The following MECOM variants were observed in gnomAD, a reference collection of about 807,000 sequenced individuals.
MECOM encodes MDS1 and EVI1 complex locus, also known as histone-lysine N-methyltransferase MECOM.
In MECOM, 13 loss-of-function variants were observed where a neutral mutation model predicts 116.3. The ratio of observed to expected loss-of-function variants is 0.11; its 90% CI spans 0.07 to 0.18. MECOM has a LOEUF of 0.18. Ranked by LOEUF, MECOM falls within the 10% of genes least tolerant of loss-of-function variation. The pLI is 1.00. For missense variants in MECOM, 1,299 were observed against 1,509.0 expected (o/e 0.86, Z 2.31); for synonymous variants, 528 against 535.2 (o/e 0.99, Z 0.19).
chr3:169,416,799 G>A (rs1337296974), intron 1 of MECOM, among the ~76,000 whole-genome samples: 12 of 151,776 alleles, frequency 7.9e-5, no homozygotes, highest in Admixed American at 2.0e-4. Flanking sequence ...CAGAAATAAC[G>A]CCGCATATCT....
At chr3:169,567,253 C>T (rs183526504) in intron 1 of MECOM, among the ~76,000 whole-genome samples, 9 of 152,328 alleles carry the variant, frequency 5.9e-5, no homozygotes, top group Non-Finnish European at 1.2e-4. Context: ...TAGAAACATA[C>T]CTTAGGATAA....
chr3:169,125,300 C>T (rs979455690), intron 5 of MECOM, among the ~76,000 whole-genome samples: 7 of 152,060 alleles, frequency 4.6e-5, no homozygotes, highest in Non-Finnish European at 1.0e-4. Flanking sequence ...TGAAATGAGT[C>T]AGGGACATCC....
chr3:169,580,861 C>T (rs1324977705), intron 1 of MECOM, among the ~76,000 whole-genome samples: 1 of 152,094 alleles, frequency 6.6e-6, no homozygotes, highest in African/African-American at 2.4e-5. Flanking sequence ...TGCAAAATGT[C>T]GTATTGACAA....
At chr3:169,453,387 C>A (rs1745930647) in intron 1 of MECOM, among the ~76,000 whole-genome samples, 2 of 152,162 alleles carry the variant, frequency 1.3e-5, no homozygotes, top group Admixed American at 1.3e-4. Flanking sequence ...TGGAGAAGAG[C>A]CCCAGAGGGG....
chr3:169,113,842 T>C (rs1472017430), intron 8 of MECOM, among the ~76,000 whole-genome samples: 1 of 151,126 alleles, frequency 6.6e-6, no homozygotes, highest in African/African-American at 2.4e-5. Context: ...CATTTTATGC[T>C]TTTTTTTTAA....
intron 1 of MECOM, among the ~76,000 whole-genome samples, chr3:169,494,355 G>A (rs759193822): frequency 3.9e-5 from 6 of 152,040 alleles, no homozygotes; most frequent in Admixed American, 6.6e-5. Flanking sequence ...TCCCAAGGGC[G>A]TAAGGCAGCC....
rs146619027 is a variant in MECOM, at chr3:169,104,762, T to C, written c.2605-2536A>G. Among the ~76,000 whole-genome samples the C allele has an allele frequency of 1.6e-4, 24 of 152,272 alleles. No homozygotes were observed. In the East Asian group the frequency reaches 4.1e-3, roughly 26 times the overall value. ...ATAAACCACAAGTCCTTCAAGTTATTTGAGAGCAATTGGCTGTTGAGAAAT... is the reference window on the plus strand; with the variant it reads ...ATAAACCACAAGTCCTTCAAGTTATCTGAGAGCAATTGGCTGTTGAGAAAT... On this transcript the variant is annotated intron_variant, in intron 10 of 16. Coordinates refer to ENST00000651503, the MANE Select transcript of MECOM (RefSeq NM_004991.4).
At chr3:169,568,468 G>T (rs1291947496) in intron 1 of MECOM, among the ~76,000 whole-genome samples, 3 of 152,134 alleles carry the variant, frequency 2.0e-5, no homozygotes, top group African/African-American at 7.2e-5. Context: ...AGATCCACTG[G>T]CTTGAAATTC....
rs1738867640 is a variant in MECOM, at chr3:169,143,805, A to T, written c.403T>A (p.Phe135Ile). 6.2e-7 allele frequency: 1 copy of T among 1,608,082 alleles called. No homozygotes were observed. The highest frequency in any genetic ancestry group is 1.1e-5 in the South Asian group (1 of 89,882). The change falls in exon 3 of 17, where the codon TTC (phenylalanine) becomes ATC (isoleucine). Residue 135 changes from phenylalanine to isoleucine, a missense_variant. Phe to Ile is a conservative substitution (Grantham distance 21, BLOSUM62 0). Transcript: ENST00000651503. ...TCTGGTTGACTGGCATCTATGCAGA[A>T]CTTCACATTGTAAAATTCGTCTAAG... ...EILDEFYNVKFCIDASQPDVG... is the reference protein window; with the variant it reads ...EILDEFYNVKICIDASQPDVG...
At chr3:169,212,683 T>C (rs1386175841) in intron 2 of MECOM, among the ~76,000 whole-genome samples, 4 of 117,272 alleles carry the variant, frequency 3.4e-5, no homozygotes, top group African/African-American at 9.3e-5. Context: ...TATATATATA[T>C]ATGCAACAAA....
intron 1 of MECOM, among the ~76,000 whole-genome samples, chr3:169,622,366 A>G (rs1421883428): frequency 2.0e-5 from 3 of 152,216 alleles, no homozygotes; most frequent in African/African-American, 7.2e-5. Flanking sequence ...TGCTGAGATT[A>G]CAGGGTATGA....
intron 12 of MECOM, among the ~76,000 whole-genome samples, chr3:169,096,230 C>T (rs1721406433): frequency 6.7e-6 from 1 of 149,772 alleles, no homozygotes; most frequent in Non-Finnish European, 1.5e-5. Context: ...TTTTGGGGGG[C>T]ATGTTACTTG....
intron 1 of MECOM, among the ~76,000 whole-genome samples, chr3:169,618,431 G>A (rs764921838): frequency 6.6e-6 from 1 of 152,162 alleles, no homozygotes; most frequent in Admixed American, 6.5e-5. Context: ...CTATGGTGGG[G>A]TGGATCACGA....
intron 2 of MECOM, among the ~76,000 whole-genome samples, chr3:169,223,638 A>G (rs1165963594): frequency 6.6e-6 from 1 of 152,132 alleles, no homozygotes; most frequent in African/African-American, 2.4e-5. Context: ...AAATAATGTG[A>G]CAAATGGTAT....
At chr3:169,185,492 G>T (rs1055741400) in intron 2 of MECOM, among the ~76,000 whole-genome samples, 22 of 152,158 alleles carry the variant, frequency 1.4e-4, no homozygotes, top group African/African-American at 5.3e-4. Flanking sequence ...TTTGCAATAA[G>T]ATAAAAAGTG....
intron 2 of MECOM, among the ~76,000 whole-genome samples, chr3:169,259,515 G>C (rs1023357151): frequency 1.3e-5 from 2 of 152,074 alleles, no homozygotes; most frequent in African/African-American, 4.8e-5. Flanking sequence ...TTCAGCCCAG[G>C]TGTTTGAGAC....
At chr3:169,473,409 T>C (rs1399883458) in intron 1 of MECOM, among the ~76,000 whole-genome samples, 1 of 152,188 alleles carries the variant, frequency 6.6e-6, no homozygotes, top group East Asian at 1.9e-4. Context: ...CAACACGATT[T>C]TGAGAACATT....
chr3:169,419,094 A>G (rs1739256697), intron 1 of MECOM, among the ~76,000 whole-genome samples: 1 of 152,202 alleles, frequency 6.6e-6, no homozygotes, highest in African/African-American at 2.4e-5. Flanking sequence ...ATTCCTATAC[A>G]CCAATAATAG....
At chr3:169,557,197 G>T (rs1168716046) in intron 1 of MECOM, among the ~76,000 whole-genome samples, 1 of 152,146 alleles carries the variant, frequency 6.6e-6, no homozygotes, top group African/African-American at 2.4e-5. Flanking sequence ...GCAAGGGAAT[G>T]TGCCCCTTCT....
Sources: gnomAD v4.1 joint callset for allele counts (sites outside exome capture counted in the v4.1 genomes callset) on GRCh38, gnomAD v4.1.1 for gene constraint, MANE v1.5 for transcripts, NCBI Gene and HGNC (gene_info 2026-07-23, HGNC 2026-07-21) for gene names.